RNF121: variants seen among roughly 807,000 people sequenced by gnomAD.
RNF121 encodes the protein ring finger protein 121, also known as E3 ubiquitin ligase RNF121.
Under a neutral mutation model 46.5 loss-of-function variants are expected in RNF121, and 21 were observed. The ratio of observed to expected loss-of-function variants is 0.45; its 90% CI spans 0.32 to 0.65. The LOEUF (loss-of-function observed/expected upper bound fraction) is 0.65. Ranked by LOEUF, RNF121 falls within the 30% of genes least tolerant of loss-of-function variation. The pLI is 0.04. For missense variants in RNF121, 346 were observed against 416.0 expected, an observed-to-expected ratio of 0.83 and a Z score of 1.46; for synonymous variants, 139 against 144.7, an observed-to-expected ratio of 0.96 and a Z score of 0.28.
intron 1 of RNF121, among the ~76,000 whole-genome samples, chr11:71,949,457 G>A (rs1371594395): frequency 1.3e-5 from 2 of 152,122 alleles, no homozygotes; most frequent in African/African-American, 2.4e-5. Flanking sequence ...GCTAATGCCC[G>A]TAATCCCAAC....
intron 1 of RNF121, among the ~76,000 whole-genome samples, chr11:71,939,872 A>G (rs78267463): frequency 0.026 from 3,891 of 152,336 alleles, 53 homozygotes; most frequent in East Asian, 0.074. Flanking sequence ...GCTCTAAAGA[A>G]GTTATGGTCT....
At chr11:71,942,316 G>A (rs1231363554) in intron 1 of RNF121, among the ~76,000 whole-genome samples, 1 of 152,092 alleles carries the variant, frequency 6.6e-6, no homozygotes. Context: ...GCTGCTTTGA[G>A]AAGAATGGAT....
At chr11:71,948,780 G>T (rs949331146) in intron 1 of RNF121, among the ~76,000 whole-genome samples, 10 of 152,174 alleles carry the variant, frequency 6.6e-5, no homozygotes, top group African/African-American at 2.2e-4. Flanking sequence ...TCTTGGCAAA[G>T]CTGAGGAGTT....
intron 1 of RNF121, among the ~76,000 whole-genome samples, chr11:71,945,059 C>G (rs1953682023): frequency 6.6e-6 from 1 of 151,920 alleles, no homozygotes; most frequent in Non-Finnish European, 1.5e-5. Flanking sequence ...GTGATCATGG[C>G]TCACTGCAGT....
chr11:71,939,621 G>A (rs1391622198), intron 1 of RNF121: 1 of 152,254 alleles, frequency 6.6e-6, no homozygotes, highest in Non-Finnish European at 1.5e-5. Context: ...TTTTCCAGAT[G>A]AGAAAAACTG....
intron 1 of RNF121, among the ~76,000 whole-genome samples, chr11:71,942,537 CG>C (rs1953599552): frequency 6.6e-6 from 1 of 151,628 alleles, no homozygotes; most frequent in Admixed American, 6.6e-5. Flanking sequence ...CTGAGGCGGG[CG>C]GATTACTTGA....
At chr11:71,979,249 T>G (rs1954595523) in intron 3 of RNF121, among the ~76,000 whole-genome samples, 1 of 152,110 alleles carries the variant, frequency 6.6e-6, no homozygotes, top group Non-Finnish European at 1.5e-5. Flanking sequence ...GCCAATCCCT[T>G]CCTCCAAGAA....
intron 5 of RNF121, among the ~76,000 whole-genome samples, chr11:71,989,851 A>T (rs1209460975): frequency 2.6e-5 from 4 of 152,196 alleles, no homozygotes; most frequent in Admixed American, 6.5e-5. Context: ...TACTAATTTT[A>T]TCTTTTTTTC....
chr11:71,964,441 A>AGAG (rs377489893), intron 3 of RNF121, among the ~76,000 whole-genome samples: 1 of 272 alleles, frequency 3.7e-3, no homozygotes, highest in Non-Finnish European at 0.014. Context: ...ATCTGAGAGT[A>AGAG]GAGTTTCACT....
At chr11:71,989,399 A>C (rs1407303463) in intron 5 of RNF121, among the ~76,000 whole-genome samples, 1 of 152,156 alleles carries the variant, frequency 6.6e-6, no homozygotes, top group Admixed American at 6.6e-5. Context: ...TAAGTTTTAA[A>C]GATAATTCTT....
intron 1 of RNF121, among the ~76,000 whole-genome samples, chr11:71,955,065 A>C (rs1377076618): frequency 2.0e-5 from 3 of 152,182 alleles, no homozygotes; most frequent in South Asian, 4.1e-4. Flanking sequence ...AAACAAATAA[A>C]CATAAACAGG....
Position 71,986,464 on chromosome 11 carries a change from A to G in RNF121, c.399-540A>G, listed in dbSNP as rs1422321426. ...TTTTAGGAATCTTTTCCTTGGTCTG[A>G]AACCATGAAAATACAAAGCATAGCT... On this transcript the variant is annotated intron_variant, in intron 4 of 8. Transcript: ENST00000361756. 2.0e-5 allele frequency among the ~76,000 whole-genome samples: 3 copies of G among 152,192 alleles called. No homozygotes were observed. The East Asian group carries it at 5.8e-4, about 29-fold the overall frequency.
chr11:71,929,244 C>T lies in RNF121; in HGVS notation c.63+120C>T. The T allele has an allele frequency of 2.1e-6, 3 of 1,439,662 alleles. No homozygotes were observed. In the African/African-American group the frequency reaches 4.3e-5, roughly 21 times the overall value. The allele number at this position is 1,439,662 out of a possible 1,614,324, so 89.2% of individuals were successfully genotyped here. On this transcript the variant is annotated intron_variant, in intron 1 of 8. Transcript: ENST00000361756. ...AAGATCCTGAGAGGGAAGGAGCTGACTAGGGGGCGGGTGCGTGGAGAGCGA... is the reference window on the plus strand; with the variant it reads ...AAGATCCTGAGAGGGAAGGAGCTGATTAGGGGGCGGGTGCGTGGAGAGCGA...
chr11:71,971,592 AAGAC>A (rs140469891), intron 3 of RNF121, among the ~76,000 whole-genome samples: 2,535 of 152,256 alleles, frequency 0.017, 75 homozygotes, highest in African/African-American at 0.058. Context: ...AAATCAACAA[AAGAC>A]AGCAACTCCA....
At chr11:71,957,701 C>T (rs1376528288) in intron 2 of RNF121, among the ~76,000 whole-genome samples, 26 of 152,098 alleles carry the variant, frequency 1.7e-4, no homozygotes, top group Non-Finnish European at 2.9e-5. Context: ...TTAACATCAT[C>T]ATTATTATCC....
At chr11:71,931,235 A>AC (rs1450681243) in intron 1 of RNF121, among the ~76,000 whole-genome samples, 2 of 152,212 alleles carry the variant, frequency 1.3e-5, no homozygotes, top group African/African-American at 4.8e-5. Flanking sequence ...AATAGACTTT[A>AC]CAGAGTATCA....
At chr11:71,957,548 T>G (rs573211584) in intron 2 of RNF121, among the ~76,000 whole-genome samples, 21 of 152,210 alleles carry the variant, frequency 1.4e-4, no homozygotes, top group Non-Finnish European at 1.6e-4. Flanking sequence ...ACAACCTTAC[T>G]TTGCCCCATT....
At chr11:71,992,134 T>C (rs1348144652) in intron 6 of RNF121, among the ~76,000 whole-genome samples, 1 of 152,176 alleles carries the variant, frequency 6.6e-6, no homozygotes, top group Non-Finnish European at 1.5e-5. Context: ...AAATGTATAA[T>C]AATCATGCAA....
chr11:71,950,674 G>A (rs1000531946), intron 1 of RNF121, among the ~76,000 whole-genome samples: 1 of 151,380 alleles, frequency 6.6e-6, no homozygotes, highest in African/African-American at 2.4e-5. Context: ...TTTGTTTGAG[G>A]CGGAGTCTTG....
Sources: gnomAD v4.1 joint callset for allele counts (sites outside exome capture counted in the v4.1 genomes callset) on GRCh38, gnomAD v4.1.1 for gene constraint, MANE v1.5 for transcripts, NCBI Gene and HGNC (gene_info 2026-07-23, HGNC 2026-07-21) for gene names.